The following DDB2 variants were observed in gnomAD, a reference collection of about 807,000 sequenced individuals.
DDB2 encodes the protein DNA damage-binding protein 2.
A neutral mutation model predicts 50.5 loss-of-function variants in DDB2; 27 were observed. That is an observed-to-expected ratio of 0.53 (90% CI 0.39 to 0.74). DDB2 has a LOEUF of 0.74. Among genes scored for constraint, DDB2 ranks in the 30% least tolerant of loss-of-function variants. The probability of loss-of-function intolerance (pLI) is 0.00; values close to 1 mark genes in which losing one functional copy is unlikely to be tolerated. For missense variants in DDB2, 424 were observed against 545.6 expected, an observed-to-expected ratio of 0.78 and a Z score of 2.22; for synonymous variants, 176 against 205.5, an observed-to-expected ratio of 0.86 and a Z score of 1.23.
chr11:47,231,149 CAAAG>C (rs1307081092), intron 3 of DDB2, among the ~76,000 whole-genome samples: 1 of 126,326 alleles, frequency 7.9e-6, no homozygotes, highest in Admixed American at 8.0e-5. Flanking sequence ...AAAAAACACA[CAAAG>C]AAAATCCCCC....
At chr11:47,232,072 G>A (rs1015107541) in intron 3 of DDB2, among the ~76,000 whole-genome samples, 1 of 152,132 alleles carries the variant, frequency 6.6e-6, no homozygotes. Context: ...GGCGGGGCAC[G>A]GTGGCTCACG....
At chr11:47,223,377 C>T (rs1476201514) in intron 3 of DDB2, among the ~76,000 whole-genome samples, 16 of 151,954 alleles carry the variant, frequency 1.1e-4, no homozygotes, top group African/African-American at 3.1e-4. Context: ...CCCAGCTACC[C>T]GGGAGGCTGA....
intron 4 of DDB2, chr11:47,233,378 G>A (rs1194388689): frequency 3.8e-6 from 1 of 260,148 alleles, no homozygotes; most frequent in South Asian, 4.7e-5. Context: ...TCCATAAAGT[G>A]CTCTGGACTT....
intron 1 of DDB2, chr11:47,216,130 G>T (rs1177277733): frequency 2.7e-6 from 2 of 752,302 alleles, no homozygotes; most frequent in Non-Finnish European, 4.7e-6. Flanking sequence ...CTTACTGTTT[G>T]TGGGAGTGTT....
intron 7 of DDB2, among the ~76,000 whole-genome samples, chr11:47,236,392 C>A (rs1255294525): frequency 6.6e-6 from 1 of 152,146 alleles, no homozygotes; most frequent in Non-Finnish European, 1.5e-5. Flanking sequence ...TTTGCCTAAG[C>A]CCCCATGCAG....
At chr11:47,238,208 AC>A in intron 9 of DDB2, 25 bp downstream of exon 9, 1 of 1,596,976 alleles carries the variant, frequency 6.3e-7, no homozygotes, top group Non-Finnish European at 8.5e-7. Context: ...AATGTCTCTG[AC>A]TTGCCAAGTC....
In DDB2 at chr11:47,238,956, G is replaced by A. The variant is rs1946161141; in HGVS notation, c.*107G>A. The stretch of plus-strand genomic sequence containing the variant: ...TGTTAAAGGGCCAAAAGTATCCAAG[G>A]TTAGGGTTGGAGCAGGGGTGCTGGG... On this transcript the variant is annotated 3_prime_UTR_variant, in exon 10 of 10. Transcript: ENST00000256996. 1 of 1,235,864 alleles carries A rather than the reference G, an allele frequency of 8.1e-7. No homozygotes were observed. The allele number at this position is 1,235,864 out of a possible 1,614,324, so 76.6% of individuals were successfully genotyped here.
chr11:47,238,326 T>C, intron 9 of DDB2, 143 bp downstream of exon 9: 1 of 769,442 alleles, frequency 1.3e-6, no homozygotes, highest in East Asian at 2.7e-5. Context: ...CAGTGGTCTC[T>C]ATAGCCAAGG....
In DDB2 at chr11:47,235,802, G is replaced by A. The variant is rs142527861; in HGVS notation, c.1023+390G>A. On this transcript the variant is annotated intron_variant, in intron 7 of 9. Coordinates refer to ENST00000256996, the MANE Select transcript of DDB2 (RefSeq NM_000107.3). ...GGCAGGGTCTCGCTCTGTCACCCAG[G>A]TGGGAGTACAGTGGGGCAAGCATGG... 257 of 229,892 alleles carry A rather than the reference G, an allele frequency of 1.1e-3. 1 individual carries two copies. Among genetic ancestry groups the A allele is most frequent in the Admixed American group, 2.8e-3 (53 of 19,112 alleles). 14.2% of individuals were successfully genotyped at this position (229,892 alleles called of 1,614,324 possible).
Position 47,216,372 on chromosome 11 carries a change from TGG to T in DDB2, c.167_168del (p.Gly56AlafsTer21). On this transcript the variant is annotated frameshift_variant, in exon 2 of 10. Coordinates refer to ENST00000256996, the MANE Select transcript of DDB2 (RefSeq NM_000107.3). LOFTEE classifies it high-confidence loss of function. Reference sequence around the variant, plus strand: ...AGATGTGACTCAGACTGCCTCTGGGTGGGGCTGGCTGGCCCACAGATCCTGCC... The same window carrying T: ...AGATGTGACTCAGACTGCCTCTGGGTGGCTGGCTGGCCCACAGATCCTGCC... 6.2e-7 allele frequency: 1 copy of T among 1,614,082 alleles called. No homozygotes were observed. Among genetic ancestry groups the T allele is most frequent in the Non-Finnish European group, 8.5e-7 (1 of 1,180,018 alleles).
At chr11:47,236,800 T>G (rs1009725069) in intron 7 of DDB2, among the ~76,000 whole-genome samples, 2 of 152,258 alleles carry the variant, frequency 1.3e-5, no homozygotes, top group African/African-American at 4.8e-5. Flanking sequence ...GTGTTCCTGT[T>G]AATCCATCAG....
At chr11:47,231,515 T>C (rs1953649184) in intron 3 of DDB2, among the ~76,000 whole-genome samples, 1 of 152,138 alleles carries the variant, frequency 6.6e-6, no homozygotes, top group South Asian at 2.1e-4. Flanking sequence ...GACATTCTAT[T>C]TTTAATTTTA....
intron 3 of DDB2, among the ~76,000 whole-genome samples, chr11:47,219,096 T>C (rs1474019071): frequency 6.6e-6 from 1 of 152,026 alleles, no homozygotes; most frequent in Non-Finnish European, 1.5e-5. Context: ...AGGTGCATGC[T>C]GCCACGCCTG....
intron 7 of DDB2, among the ~76,000 whole-genome samples, chr11:47,236,701 T>C (rs1363718690): frequency 1.3e-5 from 2 of 152,262 alleles, no homozygotes; most frequent in African/African-American, 4.8e-5. Context: ...AAGTATTCAA[T>C]AAATGATGAT....
intron 7 of DDB2, among the ~76,000 whole-genome samples, chr11:47,236,536 C>CG (rs1239467006): frequency 2.0e-5 from 3 of 152,172 alleles, no homozygotes; most frequent in Non-Finnish European, 1.5e-5. Flanking sequence ...CCAGACCCCC[C>CG]GGGTTAGAAT....
intron 3 of DDB2, among the ~76,000 whole-genome samples, chr11:47,223,111 AT>A (rs1953509310): frequency 6.6e-6 from 1 of 152,166 alleles, no homozygotes; most frequent in East Asian, 1.9e-4. Context: ...TTTAACTTTT[AT>A]TTTTTAATTG....
intron 3 of DDB2, among the ~76,000 whole-genome samples, chr11:47,224,895 AT>A (rs952140202): frequency 1.6e-4 from 24 of 151,310 alleles, no homozygotes; most frequent in African/African-American, 5.3e-4. Context: ...TTTAATTTGG[AT>A]TTTTTTTCAT....
At chr11:47,224,942 C>T (rs984856378) in intron 3 of DDB2, among the ~76,000 whole-genome samples, 3 of 151,638 alleles carry the variant, frequency 2.0e-5, no homozygotes, top group African/African-American at 7.3e-5. Context: ...ATTATTTCCT[C>T]TTCTTTCTTT....
intron 8 of DDB2, 28 bp downstream of exon 8, chr11:47,238,029 G>A (rs1157367886): frequency 1.2e-6 from 2 of 1,613,870 alleles, no homozygotes; most frequent in Non-Finnish European, 1.7e-6. Context: ...AAATAATGAT[G>A]GGAGGAAGCA....
Sources: gnomAD v4.1 joint callset for allele counts (sites outside exome capture counted in the v4.1 genomes callset) on GRCh38, gnomAD v4.1.1 for gene constraint, MANE v1.5 for transcripts, NCBI Gene and HGNC (gene_info 2026-07-23, HGNC 2026-07-21) for gene names.